The following ZNF215 variants were observed in gnomAD, a reference collection of about 807,000 sequenced individuals.
ZNF215 encodes the protein zinc finger protein 215, also known as BWSCR2-associated zinc finger protein 2.
Under a neutral mutation model 27.2 loss-of-function variants are expected in ZNF215, and 24 were observed. That is an observed-to-expected ratio of 0.88 (90% confidence interval 0.64 to 1.24). ZNF215 has a LOEUF of 1.24. ZNF215 is among the 50% of genes most tolerant of loss of function. The pLI, the probability that ZNF215 is intolerant of heterozygous loss-of-function variation, is 0.00. For missense variants in ZNF215, 675 were observed against 605.7 expected, an observed-to-expected ratio of 1.11 and a Z score of -1.20; for synonymous variants, 210 against 204.0, an observed-to-expected ratio of 1.03 and a Z score of -0.25.
At chr11:6,988,702 C>G (rs1851086339), downstream of ZNF215, 1 of 152,180 alleles carries the variant, frequency 6.6e-6, no homozygotes, top group South Asian at 2.1e-4. Flanking sequence ...CAGAGCTGAA[C>G]TAGAGATGAC....
chr11:6,969,378 C>A (rs1008831655), intron 5 of ZNF215, among the ~76,000 whole-genome samples: 1 of 151,752 alleles, frequency 6.6e-6, no homozygotes, highest in African/African-American at 2.4e-5. Flanking sequence ...CACATTTTTC[C>A]TGATTATCTT....
Position 6,957,786 on chromosome 11 carries a change from G to A in ZNF215, c.*1255G>A. The A allele has an allele frequency of 3.0e-6, 3 of 985,342 alleles. No individual in the cohort carries two copies. Among genetic ancestry groups the A allele is most frequent in the Non-Finnish European group, 3.6e-6 (3 of 829,920 alleles). 61.0% of individuals were successfully genotyped at this position (985,342 alleles called of 1,614,324 possible). ...GGCTGGAGAGACGTCCATAGCCTTA[G>A]GTATATCATTTATACCAGACATTAT... On this transcript the variant is annotated 3_prime_UTR_variant, in exon 7 of 7. Transcript: ENST00000278319.
chr11:6,969,901 C>T (rs889584111), intron 5 of ZNF215, among the ~76,000 whole-genome samples: 9 of 152,170 alleles, frequency 5.9e-5, no homozygotes, highest in African/African-American at 2.2e-4. Context: ...CTGCCTCAGC[C>T]TCCTGGGTAG....
At chr11:6,974,804 G>A (rs1850796160) in intron 5 of ZNF215, among the ~76,000 whole-genome samples, 2 of 151,942 alleles carry the variant, frequency 1.3e-5, no homozygotes, top group African/African-American at 4.8e-5. Flanking sequence ...TGAGACGATG[G>A]GGTTTTCTAG....
chr11:6,974,638 T>C (rs1850792512), intron 5 of ZNF215, among the ~76,000 whole-genome samples: 2 of 152,198 alleles, frequency 1.3e-5, no homozygotes, highest in African/African-American at 4.8e-5. Flanking sequence ...CTAGGTATTT[T>C]ATTCTCTTTG....
At chr11:6,930,112 A>G (rs1407118289) in intron 2 of ZNF215, among the ~76,000 whole-genome samples, 1 of 116,208 alleles carries the variant, frequency 8.6e-6, no homozygotes, top group Non-Finnish European at 1.9e-5. Context: ...TTTTTTTTTT[A>G]ATTTTTTGAG....
chr11:6,968,162 G>C (rs1850659656), intron 5 of ZNF215, among the ~76,000 whole-genome samples: 1 of 152,142 alleles, frequency 6.6e-6, no homozygotes, highest in South Asian at 2.1e-4. Flanking sequence ...TTTGGTAGTA[G>C]TACCATGCTG....
chr11:6,956,048 T>C lies in ZNF215; in HGVS notation c.1071T>C (p.Tyr357=), dbSNP rs1428657266. 6.2e-7 allele frequency: 1 copy of C among 1,609,406 alleles called. No homozygotes were observed. Among genetic ancestry groups the C allele is most frequent in the Admixed American group, 1.7e-5 (1 of 59,352 alleles). Residue 357 remains tyrosine (Y), a synonymous_variant, in exon 7 of 7, where the codon TAT becomes TAC. Coordinates refer to ENST00000278319, the MANE Select transcript of ZNF215 (RefSeq NM_013250.4). ...SVGKQHSEYE[Y]GNDLSLSTDI... ...GTAAGCAACATTCAGAATATGAATA[T>C]GGGAATGACTTGAGTTTGAGTACAG... is the stretch of plus-strand genomic sequence containing the variant.
rs528697673 is a variant in ZNF215, at chr11:6,951,066, C to T, written c.713-4624C>T. 2.8e-3 allele frequency among the ~76,000 whole-genome samples: 427 copies of T among 152,300 alleles called. 3 individuals carry two copies. The highest frequency in any genetic ancestry group is 9.7e-3 in the African/African-American group (405 of 41,540). ...ATTTGCGTATATTGAACCAGCCTTG[C>T]ATACCAGGGATGAAGCCCACTTGAT... On this transcript the variant is annotated intron_variant, in intron 6 of 6. Transcript: ENST00000278319.
At chr11:6,953,816 C>CT (rs1437752324) in intron 6 of ZNF215, among the ~76,000 whole-genome samples, 2 of 151,934 alleles carry the variant, frequency 1.3e-5, no homozygotes, top group African/African-American at 4.8e-5. Context: ...GCACTCTGCT[C>CT]TTTAGAGTTT....
chr11:6,931,593 AT>A (rs1449404766), intron 2 of ZNF215, among the ~76,000 whole-genome samples: 1 of 152,234 alleles, frequency 6.6e-6, no homozygotes, highest in East Asian at 1.9e-4. Context: ...CCACTTTTTG[AT>A]TTATTCCTAA....
chr11:6,968,258 G>C (rs1300753165), intron 5 of ZNF215, among the ~76,000 whole-genome samples: 2 of 152,132 alleles, frequency 1.3e-5, no homozygotes, highest in Non-Finnish European at 2.9e-5. Context: ...GGATTGTCCT[G>C]GCTATATGGG....
chr11:6,935,937 C>T (rs1590048528), intron 3 of ZNF215, among the ~76,000 whole-genome samples: 1 of 151,910 alleles, frequency 6.6e-6, no homozygotes, highest in Non-Finnish European at 1.5e-5. Flanking sequence ...TTAACAGTCA[C>T]ATAATCAGTG....
intron 2 of ZNF215, among the ~76,000 whole-genome samples, chr11:6,929,113 C>A (rs868431297): frequency 6.6e-6 from 1 of 152,168 alleles, no homozygotes. Flanking sequence ...CACCATTACC[C>A]TTTTCCTCCC....
downstream of ZNF215, among the ~76,000 whole-genome samples, chr11:6,991,190 A>G (rs1378970573): frequency 6.6e-5 from 10 of 152,210 alleles, no homozygotes; most frequent in Admixed American, 6.5e-4. Flanking sequence ...ACCTTGTAAT[A>G]ATCATGGTAG....
chr11:6,981,708 G>C (rs966918569), intron 5 of ZNF215, among the ~76,000 whole-genome samples: 3 of 152,142 alleles, frequency 2.0e-5, no homozygotes, highest in Admixed American at 2.0e-4. Flanking sequence ...GAATGGTAAT[G>C]CCTAGGTTTT....
chr11:6,935,262 C>G (rs1257117931), intron 3 of ZNF215, among the ~76,000 whole-genome samples: 1 of 152,180 alleles, frequency 6.6e-6, no homozygotes, highest in East Asian at 1.9e-4. Context: ...AGCCCTAACT[C>G]TTATCTCTAG....
intron 5 of ZNF215, among the ~76,000 whole-genome samples, chr11:6,966,965 C>T (rs1032578497): frequency 3.9e-5 from 6 of 151,916 alleles, no homozygotes; most frequent in Admixed American, 6.6e-5. Context: ...CCCTGATTCC[C>T]CTACCCACCG....
chr11:6,991,399 C>G (rs942680997), downstream of ZNF215, among the ~76,000 whole-genome samples: 5 of 152,210 alleles, frequency 3.3e-5, 1 homozygote, highest in Admixed American at 1.3e-4. Flanking sequence ...TGCGGCAGGG[C>G]TGGGGCTGTG....
Sources: gnomAD v4.1 joint callset for allele counts (sites outside exome capture counted in the v4.1 genomes callset) on GRCh38, gnomAD v4.1.1 for gene constraint, MANE v1.5 for transcripts, NCBI Gene and HGNC (gene_info 2026-07-23, HGNC 2026-07-21) for gene names.